The following SLCO4C1 variants were observed in gnomAD, a reference collection of about 807,000 sequenced individuals.
SLCO4C1 encodes solute carrier organic anion transporter family member 4C1, also known as organic anion transporter M1.
SLCO4C1 carries 58 observed loss-of-function variants against 72.1 expected under a neutral mutation model. The ratio of observed to expected loss-of-function variants is 0.80; its 90% CI spans 0.65 to 1.00. The LOEUF (loss-of-function observed/expected upper bound fraction) is 1.00. Ranked by LOEUF, SLCO4C1 falls within the 50% of genes least tolerant of loss-of-function variation. The pLI is 0.00. For missense variants in SLCO4C1, 898 were observed against 857.9 expected (o/e 1.05, Z -0.58); for synonymous variants, 297 against 312.5 (o/e 0.95, Z 0.52).
At chr5:102,247,891 G>A (rs990301612) in intron 9 of SLCO4C1, among the ~76,000 whole-genome samples, 1 of 145,026 alleles carries the variant, frequency 6.9e-6, no homozygotes, top group South Asian at 2.2e-4. Flanking sequence ...GAGAAGCAGT[G>A]CTTTCATTGT....
chr5:102,290,297 T>C (rs1286488781), intron 2 of SLCO4C1, among the ~76,000 whole-genome samples: 1 of 152,228 alleles, frequency 6.6e-6, no homozygotes. Flanking sequence ...GGGATTCTTC[T>C]GCCTCAGTCT....
Position 102,260,218 on chromosome 5 carries a change from G to C in SLCO4C1, c.1123C>G (p.Leu375Val). 1 of 1,318,250 alleles carries C rather than the reference G, an allele frequency of 7.6e-7. No individual in the cohort carries two copies. Among genetic ancestry groups the C allele is most frequent in the Middle Eastern group, 2.0e-4 (1 of 5,104 alleles). 81.7% of individuals were successfully genotyped at this position (1,318,250 alleles called of 1,614,324 possible). A position where few individuals can be genotyped will look rare whatever the true frequency, so the allele number is the denominator to read the frequency against. ...AGAGAAGAATTTTATTTTACCTTTA[G>C]AGCAGCTGGAAAATCTTTAATACTT... ...GKSIKDFPAA[L>V]KNLMKNAVFM... The change falls in exon 6 of 13, where the codon CTA (leucine) becomes GTA (valine). Residue 375 changes from leucine to valine, a missense_variant. Leu to Val is a conservative substitution (Grantham distance 32, BLOSUM62 1). Transcript: ENST00000310954.
At chr5:102,271,139 A>C (rs1469577069) in intron 2 of SLCO4C1, among the ~76,000 whole-genome samples, 1 of 152,064 alleles carries the variant, frequency 6.6e-6, no homozygotes, top group Non-Finnish European at 1.5e-5. Context: ...TTATAGTCAT[A>C]ATAAAACATA....
At chr5:102,239,422 A>G in intron 11 of SLCO4C1, 34 bp from the exon 12 acceptor site, 1 of 1,445,700 alleles carries the variant, frequency 6.9e-7, no homozygotes, top group Non-Finnish European at 9.2e-7. Context: ...TACAACAGTA[A>G]AGATTACAGT....
At chr5:102,277,862 A>G (rs906518815) in intron 2 of SLCO4C1, among the ~76,000 whole-genome samples, 1 of 152,194 alleles carries the variant, frequency 6.6e-6, no homozygotes, top group Admixed American at 6.6e-5. Flanking sequence ...ACAAAGAAAT[A>G]TACTCAAAAC....
intron 2 of SLCO4C1, among the ~76,000 whole-genome samples, chr5:102,281,259 A>G (rs891323702): frequency 1.3e-5 from 2 of 152,152 alleles, no homozygotes; most frequent in Non-Finnish European, 2.9e-5. Context: ...AACAAAAATC[A>G]AACTTTAAAC....
intron 2 of SLCO4C1, among the ~76,000 whole-genome samples, chr5:102,282,391 T>C (rs1561380055): frequency 6.6e-6 from 1 of 151,970 alleles, no homozygotes; most frequent in Non-Finnish European, 1.5e-5. Context: ...CTGTTTTCCT[T>C]GAGAAAAGAA....
At position 102,237,038 on chromosome 5, in the gene SLCO4C1, A is replaced by C; in HGVS notation, c.2015-20T>G. On this transcript the variant is annotated intron_variant, in intron 12 of 12. Coordinates refer to ENST00000310954, the MANE Select transcript of SLCO4C1 (RefSeq NM_180991.5). ...TAACACCTAAGTGAAAAAAAAAATT[A>C]ATCATGTGCTTTTGTTTTTAATTAT... 6.4e-7 allele frequency: 1 copy of C among 1,554,224 alleles called. No homozygotes were observed. The highest frequency in any genetic ancestry group is 8.6e-7 in the Non-Finnish European group (1 of 1,159,652).
chr5:102,270,670 G>A lies in SLCO4C1; in HGVS notation c.756C>T (p.Ala252=), dbSNP rs1442061457. 5.0e-6 allele frequency: 8 copies of A among 1,612,842 alleles called. No homozygotes were observed. Among genetic ancestry groups the A allele is most frequent in the Non-Finnish European group, 6.8e-6 (8 of 1,179,394 alleles). Residue 252 remains alanine (A), a synonymous_variant, in exon 3 of 13, where the codon GCC becomes GCT. Coordinates refer to ENST00000310954, the MANE Select transcript of SLCO4C1 (RefSeq NM_180991.5). ...GGTPLYTLGT[A]FLDDSVPTHK... ...GTGTGGGCACAGAATCATCAAGAAA[G>A]GCTGTTCCCAGAGTATAAAGAGGAG...
Position 102,249,723 on chromosome 5 carries a change from T to C in SLCO4C1, c.1535A>G (p.Tyr512Cys). The change falls in exon 9 of 13, where the codon TAT becomes TGT. Residue 512 changes from tyrosine to cysteine, a missense_variant. Transcript: ENST00000310954. ...GACTCCATCTCCACAGACAGGATAA[T>C]AATATGATCGCGAACAGTTACAATT... ...NANCNCSRSY[Y>C]YPVCGDGVQY... 1 of 1,613,970 alleles carries C rather than the reference T, an allele frequency of 6.2e-7. No individual in the cohort carries two copies. The highest frequency in any genetic ancestry group is 8.5e-7 in the Non-Finnish European group (1 of 1,179,938).
chr5:102,279,772 C>A (rs769401992), intron 2 of SLCO4C1, among the ~76,000 whole-genome samples: 7 of 151,554 alleles, frequency 4.6e-5, no homozygotes, highest in South Asian at 2.1e-4. Flanking sequence ...TCAAAAAAAT[C>A]AAAAAATGTT....
At chr5:102,282,737 G>A (rs1027983880) in intron 2 of SLCO4C1, among the ~76,000 whole-genome samples, 3 of 152,014 alleles carry the variant, frequency 2.0e-5, no homozygotes, top group African/African-American at 7.2e-5. Flanking sequence ...ATAAAATTAT[G>A]TGAGTGTGAA....
At chr5:102,253,783 C>T (rs763648651) in intron 8 of SLCO4C1, among the ~76,000 whole-genome samples, 9 of 147,616 alleles carry the variant, frequency 6.1e-5, no homozygotes, top group East Asian at 2.0e-4. Context: ...CCAGCCTGGG[C>T]GACCAAAGGA....
chr5:102,247,968 G>T (rs1748666100), intron 9 of SLCO4C1, among the ~76,000 whole-genome samples: 1 of 131,570 alleles, frequency 7.6e-6, no homozygotes. Flanking sequence ...TAAGACCACT[G>T]GTACCAATTC....
Position 102,236,591 on chromosome 5 carries a change from T to G in SLCO4C1, c.*267A>C. ...AAGTGTGTATGTGTGCGTGTGTGTGTGTGTGTGTGTGTTCGTGTGTGTGTG... is the reference window on the plus strand; with the variant it reads ...AAGTGTGTATGTGTGCGTGTGTGTGGGTGTGTGTGTGTTCGTGTGTGTGTG... On this transcript the variant is annotated 3_prime_UTR_variant, in exon 13 of 13. Coordinates refer to ENST00000310954, the MANE Select transcript of SLCO4C1 (RefSeq NM_180991.5). 3.0e-6 allele frequency: 1 copy of G among 329,912 alleles called. No individual in the cohort carries two copies. Among genetic ancestry groups the G allele is most frequent in the Non-Finnish European group, 5.5e-6 (1 of 183,036 alleles). The allele number at this position is 329,912 out of a possible 1,614,324, so 20.4% of individuals were successfully genotyped here.
intron 11 of SLCO4C1, among the ~76,000 whole-genome samples, 166 bp from the exon 12 acceptor site, chr5:102,239,554 A>G (rs1212585870): frequency 1.3e-5 from 2 of 152,044 alleles, no homozygotes; most frequent in Non-Finnish European, 2.9e-5. Context: ...AAGCAGATAC[A>G]ATATTCTAAA....
chr5:102,282,805 G>A (rs138062878), intron 2 of SLCO4C1, among the ~76,000 whole-genome samples: 17 of 152,094 alleles, frequency 1.1e-4, no homozygotes, highest in Middle Eastern at 3.4e-3. Context: ...GACAATATAC[G>A]TATGAATGTG....
chr5:102,293,386 T>A (rs1403877397), intron 1 of SLCO4C1, among the ~76,000 whole-genome samples: 1 of 152,080 alleles, frequency 6.6e-6, no homozygotes, highest in Non-Finnish European at 1.5e-5. Context: ...ATTAATCCAA[T>A]GACTCTTAAA....
In SLCO4C1 at chr5:102,258,079, C is replaced by T; in HGVS notation, c.1137G>A (p.Met379Ile). The change falls in exon 7 of 13, where the codon ATG becomes ATA. Residue 379 changes from methionine to isoleucine, a missense_variant. Transcript: ENST00000310954. Reference sequence around the variant, plus strand: ...CTAAACACATAAAGACAGCATTCTTCATCAAATTCTAAAGAAAAAAATACA... The same window carrying T: ...CTAAACACATAAAGACAGCATTCTTTATCAAATTCTAAAGAAAAAAATACA... ...KDFPAALKNL[M>I]KNAVFMCLVL... is the part of the protein sequence containing the mutation. 6.5e-7 allele frequency: 1 copy of T among 1,542,658 alleles called. No homozygotes were observed. Among genetic ancestry groups the T allele is most frequent in the Non-Finnish European group, 8.7e-7 (1 of 1,152,070 alleles).
Sources: gnomAD v4.1 joint callset for allele counts (sites outside exome capture counted in the v4.1 genomes callset) on GRCh38, gnomAD v4.1.1 for gene constraint, MANE v1.5 for transcripts, NCBI Gene and HGNC (gene_info 2026-07-23, HGNC 2026-07-21) for gene names.